The following BAX variants were observed in gnomAD, a reference collection of about 807,000 sequenced individuals.
BAX encodes BCL2 associated X, apoptosis regulator, also known as apoptosis regulator BAX.
Under a neutral mutation model 26.8 loss-of-function variants are expected in BAX, and 21 were observed. That is an observed-to-expected ratio of 0.78 (90% CI 0.56 to 1.13). BAX has a LOEUF of 1.13. BAX is among the 50% of genes most tolerant of loss of function. BAX has a pLI of 0.00. For missense variants in BAX, 236 were observed against 254.6 expected, an observed-to-expected ratio of 0.93 and a Z score of 0.50; for synonymous variants, 110 against 101.8, an observed-to-expected ratio of 1.08 and a Z score of -0.49.
At chr19:48,955,880 GGACA>G in intron 3 of BAX, 47 bp downstream of exon 3, 2 of 1,525,744 alleles carry the variant, frequency 1.3e-6, no homozygotes, top group East Asian at 4.6e-5. Context: ...GGCTCCTTCA[GGACA>G]CAGGACTCTC....
Position 48,954,913 on chromosome 19 carries a change from G to C in BAX, c.-16G>C, listed in dbSNP as rs888642901. 1.6e-6 allele frequency: 2 copies of C among 1,233,862 alleles called. No homozygotes were observed. The highest frequency in any genetic ancestry group is 2.0e-6 in the Non-Finnish European group (2 of 988,300). 76.4% of individuals were successfully genotyped at this position (1,233,862 alleles called of 1,614,324 possible). On this transcript the variant is annotated 5_prime_UTR_variant, in exon 1 of 6. Coordinates refer to ENST00000345358, the MANE Select transcript of BAX (RefSeq NM_138761.4). ...CCGCGCGGACCCGGCGAGAGGCGGC[G>C]GCGGGAGCGGCGGTGATGGACGGGT... is the stretch of plus-strand genomic sequence containing the variant.
Position 48,955,197 on chromosome 19 carries a change from C to G in BAX, c.34+235C>G, listed in dbSNP as rs1009315. The G allele has an allele frequency of 2.4e-3, 1,192 of 488,314 alleles. 16 individuals are homozygous for G. Among genetic ancestry groups the G allele is most frequent in the African/African-American group, 0.02 (1,012 of 50,398 alleles). 30.2% of individuals were successfully genotyped at this position (488,314 alleles called of 1,614,324 possible). A position where few individuals can be genotyped will look rare whatever the true frequency, so the allele number is the denominator to read the frequency against. The stretch of plus-strand genomic sequence containing the variant: ...CGGACCCTCGAGAACCAGGGGATCT[C>G]GGAAGCCAAGCCCCCGGGCAGGCCC... On this transcript the variant is annotated intron_variant, in intron 1 of 5. Coordinates refer to ENST00000345358, the MANE Select transcript of BAX (RefSeq NM_138761.4).
intron 3 of BAX, 111 bp downstream of exon 3, chr19:48,955,944 A>T: frequency 1.5e-6 from 2 of 1,351,182 alleles, no homozygotes; most frequent in Non-Finnish European, 2.0e-6. Flanking sequence ...GGGCCCCACA[A>T]CTCAGCGCAA....
intron 4 of BAX, among the ~76,000 whole-genome samples, chr19:48,959,897 G>A (rs1236126336): frequency 2.0e-5 from 3 of 151,168 alleles, no homozygotes; most frequent in Non-Finnish European, 4.4e-5. Context: ...GGAGGCTGGG[G>A]CAGGAGAATT....
intron 4 of BAX, among the ~76,000 whole-genome samples, chr19:48,958,829 G>T (rs928558900): frequency 6.6e-6 from 1 of 152,040 alleles, no homozygotes; most frequent in Non-Finnish European, 1.5e-5. Flanking sequence ...ACAGGCGTGA[G>T]CCACCGTGCT....
rs977573698 is a variant in BAX, at chr19:48,957,908, T to G, written c.369+1575T>G. ...CTTTTAACTGTGAAATTCTTTTAAC[T>G]TTTCATTATGAAGATTCTCATAAGA... On this transcript the variant is annotated intron_variant, in intron 4 of 5. Transcript: ENST00000345358. Among the ~76,000 whole-genome samples the G allele has an allele frequency of 3.3e-5, 5 of 152,280 alleles. No homozygotes were observed. In the East Asian group the frequency reaches 9.6e-4, roughly 29 times the overall value.
intron 2 of BAX, 27 bp from the exon 3 acceptor site, chr19:48,955,660 T>G: frequency 6.2e-7 from 1 of 1,612,304 alleles, no homozygotes; most frequent in Non-Finnish European, 8.5e-7. Flanking sequence ...GTTCTGATTC[T>G]GCACCCTCAC....
At chr19:48,961,503 A>G (rs1376827844) in intron 5 of BAX, 29 bp from the exon 6 acceptor site, 1 of 1,561,084 alleles carries the variant, frequency 6.4e-7, no homozygotes, top group African/African-American at 1.4e-5. Flanking sequence ...TGGCCGAGTC[A>G]CTGAAGCGAC....
intron 4 of BAX, among the ~76,000 whole-genome samples, 157 bp from the exon 5 acceptor site, chr19:48,960,653 G>A (rs1039728242): frequency 5.3e-5 from 8 of 152,164 alleles, no homozygotes; most frequent in African/African-American, 1.7e-4. Context: ...ATGAGCCGCC[G>A]CACCTGGCCA....
At position 48,955,605 on chromosome 19, in the gene BAX, T is replaced by G; in HGVS notation, c.86+6T>G. ...GGGGCCCTTTTGCTTCAGGGGTGAG[T>G]TTGAGGTCTGATTATTGTGGCACAG... On this transcript the variant is annotated splice_donor_region_variant and intron_variant, in intron 2 of 5. Coordinates refer to ENST00000345358, the MANE Select transcript of BAX (RefSeq NM_138761.4). 6.2e-7 allele frequency: 1 copy of G among 1,610,680 alleles called. No homozygotes were observed. The highest frequency in any genetic ancestry group is 8.5e-7 in the Non-Finnish European group (1 of 1,178,698).
chr19:48,959,992 TA>T (rs563583240), intron 4 of BAX, among the ~76,000 whole-genome samples: 6 of 102,680 alleles, frequency 5.8e-5, no homozygotes, highest in Admixed American at 2.2e-4. Flanking sequence ...GACTCCATCT[TA>T]AAAAAAAAAA....
intron 4 of BAX, among the ~76,000 whole-genome samples, chr19:48,957,065 C>G (rs1033577739): frequency 1.3e-5 from 2 of 150,036 alleles, no homozygotes; most frequent in African/African-American, 2.4e-5. Flanking sequence ...CTATAGTGAT[C>G]GGGGGGAAGA....
chr19:48,960,783 C>T, intron 4 of BAX, 27 bp from the exon 5 acceptor site: 1 of 1,574,998 alleles, frequency 6.3e-7, no homozygotes, highest in Non-Finnish European at 8.7e-7. Flanking sequence ...AAGGTTCAGT[C>T]CCTAACGCCC....
At chr19:48,959,065 C>T (rs1321932929) in intron 4 of BAX, among the ~76,000 whole-genome samples, 1 of 151,708 alleles carries the variant, frequency 6.6e-6, no homozygotes, top group African/African-American at 2.4e-5. Flanking sequence ...GAAAAGTCCT[C>T]TCTGGCTGGG....
intron 5 of BAX, 185 bp downstream of exon 5, chr19:48,961,099 C>A: frequency 6.3e-7 from 1 of 1,579,936 alleles, no homozygotes. Flanking sequence ...CGTGTCTGAT[C>A]AATCCCCGAT....
At chr19:48,957,278 T>TC (rs1232567763) in intron 4 of BAX, among the ~76,000 whole-genome samples, 3 of 123,656 alleles carry the variant, frequency 2.4e-5, no homozygotes, top group Admixed American at 7.9e-5. Flanking sequence ...TTTTTTTTTT[T>TC]TTTTTTTTTT....
intron 4 of BAX, among the ~76,000 whole-genome samples, chr19:48,959,349 C>CAAAAAAAA (rs71179067): frequency 1.4e-5 from 1 of 73,054 alleles, no homozygotes; most frequent in African/African-American, 5.8e-5. Flanking sequence ...GACTCCGTCT[C>CAAAAAAAA]AAAAAAAAAA....
At chr19:48,957,551 A>G (rs1442659330) in intron 4 of BAX, among the ~76,000 whole-genome samples, 1 of 152,084 alleles carries the variant, frequency 6.6e-6, no homozygotes, top group Admixed American at 6.5e-5. Flanking sequence ...CTGGGATTAC[A>G]GGCGTGAACC....
At chr19:48,956,140 A>G (rs898830660) in intron 3 of BAX, 58 bp from the exon 4 acceptor site, 53 of 1,452,962 alleles carry the variant, frequency 3.6e-5, no homozygotes, top group Non-Finnish European at 4.5e-5. Context: ...GGATGCGGGA[A>G]TTTTCCACCA....
Sources: allele counts gnomAD v4.1 joint callset (sites outside exome capture counted in the v4.1 genomes callset), GRCh38; gene constraint gnomAD v4.1.1; transcripts MANE v1.5; gene names NCBI Gene and HGNC (gene_info 2026-07-23, HGNC 2026-07-21).